The following MXI1 variants were observed in gnomAD, a reference collection of about 807,000 sequenced individuals.
The protein encoded by MXI1 is max-interacting protein 1.
Under a neutral mutation model 36.9 loss-of-function variants are expected in MXI1, and 18 were observed. The ratio of observed to expected loss-of-function variants is 0.49; its 90% CI spans 0.34 to 0.72. The LOEUF (loss-of-function observed/expected upper bound fraction) is 0.72. Ranked by LOEUF, MXI1 falls within the 30% of genes least tolerant of loss-of-function variation. The pLI is 0.01. For missense variants in MXI1, 304 were observed against 379.1 expected (o/e 0.80, Z 1.64); for synonymous variants, 160 against 146.7 (o/e 1.09, Z -0.65).
Position 110,287,277 on chromosome 10 carries a change from ATGAG to A in MXI1, c.*2292_*2295del, listed in dbSNP as rs1564730590. ...TTTTCCTTGGGGTGGTGTAGATTGT[ATGAG>A]TAAGAAGTATTAATTTTTTAAAAGA... On this transcript the variant is annotated 3_prime_UTR_variant, in exon 6 of 6. Coordinates refer to ENST00000332674, the MANE Select transcript of MXI1 (RefSeq NM_130439.3). 2 of 151,824 alleles carry A rather than the reference ATGAG, an allele frequency of 1.3e-5. No homozygotes were observed. The highest frequency in any genetic ancestry group is 1.5e-5 in the Non-Finnish European group (1 of 67,912). 9.4% of individuals were successfully genotyped at this position (151,824 alleles called of 1,614,324 possible). A position where few individuals can be genotyped will look rare whatever the true frequency, so the allele number is the denominator to read the frequency against.
chr10:110,251,465 TAGTTA>T (rs200299768), intron 3 of MXI1, among the ~76,000 whole-genome samples: 2,115 of 152,252 alleles, frequency 0.014, 43 homozygotes, highest in African/African-American at 0.049. Context: ...TACCATTATC[TAGTTA>T]AGTTACCAGT....
chr10:110,264,893 C>T (rs918182934), intron 3 of MXI1, among the ~76,000 whole-genome samples: 1 of 152,044 alleles, frequency 6.6e-6, no homozygotes, highest in African/African-American at 2.4e-5. Context: ...GATTTTTAAA[C>T]ATTAGCTTGA....
At chr10:110,239,136 T>C (rs971280512) in intron 2 of MXI1, among the ~76,000 whole-genome samples, 1 of 152,196 alleles carries the variant, frequency 6.6e-6, no homozygotes. Flanking sequence ...GTCTTGACAT[T>C]TGGGGTCAGA....
At position 110,250,844 on chromosome 10, in the gene MXI1, A is replaced by AT. The variant is rs1564716836; in HGVS notation, c.437+5987_437+5988insT. On this transcript the variant is annotated intron_variant, in intron 3 of 5. Transcript: ENST00000332674. ...AAGACTTTGTCAAAAAAAAAAAAAA[A>AT]AAAATAACAACTTTAACAGGACTCT... 3.4e-5 allele frequency among the ~76,000 whole-genome samples: 5 copies of AT among 147,440 alleles called. No homozygotes were observed. In the South Asian group the frequency reaches 6.4e-4, roughly 19 times the overall value.
intron 2 of MXI1, among the ~76,000 whole-genome samples, chr10:110,232,580 C>T (rs1855314740): frequency 1.3e-5 from 2 of 152,166 alleles, no homozygotes; most frequent in South Asian, 2.1e-4. Context: ...AAAAACCCTG[C>T]GAGGCGGGCA....
chr10:110,255,793 CT>C lies in MXI1; in HGVS notation c.437+10945del, dbSNP rs36005124. ...CAAGCCCTATGAAAGTTCCAGCTTC[CT>C]TTTTTTTTGCAGAAATTGACAGCTG... On this transcript the variant is annotated intron_variant, in intron 3 of 5. Coordinates refer to ENST00000332674, the MANE Select transcript of MXI1 (RefSeq NM_130439.3). 4.6e-3 allele frequency among the ~76,000 whole-genome samples: 700 copies of C among 150,766 alleles called. 2 individuals carry two copies. The highest frequency in any genetic ancestry group is 6.6e-3 in the Non-Finnish European group (448 of 67,524).
intron 3 of MXI1, among the ~76,000 whole-genome samples, chr10:110,249,495 C>A (rs1474223103): frequency 6.6e-6 from 1 of 150,960 alleles, no homozygotes; most frequent in Non-Finnish European, 1.5e-5. Context: ...ACAAGAATTG[C>A]TTGAACCTGG....
rs943571197 is a variant in MXI1, at chr10:110,208,009, C to T, written c.201C>T (p.Asn67=). 10 of 1,605,122 alleles carry T rather than the reference C, an allele frequency of 6.2e-6. No homozygotes were observed. The African/African-American group carries it at 9.4e-5, about 15-fold the overall frequency. ...AGAACTCGATGGAGAAGCACATCAA[C>T]ACTTTTCTGCAGAACGTGCAGATTC... is the stretch of plus-strand genomic sequence containing the variant. ...TSENSMEKHI[N]TFLQNVQILL... Residue 67 remains asparagine (N), a synonymous_variant, in exon 1 of 6, where the codon AAC becomes AAT. Transcript: ENST00000332674.
intron 3 of MXI1, among the ~76,000 whole-genome samples, chr10:110,262,384 A>T (rs979010134): frequency 3.3e-5 from 5 of 152,124 alleles, no homozygotes; most frequent in African/African-American, 1.2e-4. Flanking sequence ...GGATTTTGGT[A>T]TCCCCCATTG....
At chr10:110,229,421 A>G (rs1014105497) in intron 2 of MXI1, among the ~76,000 whole-genome samples, 1 of 152,154 alleles carries the variant, frequency 6.6e-6, no homozygotes, top group Non-Finnish European at 1.5e-5. Flanking sequence ...TTGGGTCAGA[A>G]TGGGGCTCTT....
chr10:110,272,566 G>A (rs1856889135), intron 3 of MXI1, among the ~76,000 whole-genome samples: 2 of 151,980 alleles, frequency 1.3e-5, no homozygotes, highest in African/African-American at 4.8e-5. Flanking sequence ...ATATTTTATT[G>A]AAAGAAAGTG....
intron 1 of MXI1, chr10:110,227,210 A>C: frequency 6.3e-5 from 11 of 175,236 alleles, no homozygotes; most frequent in Non-Finnish European, 6.2e-5. Context: ...CGCGTGTGTG[A>C]GGGGTGCGCG....
chr10:110,214,079 A>G (rs1854570498), intron 1 of MXI1, among the ~76,000 whole-genome samples: 1 of 152,220 alleles, frequency 6.6e-6, no homozygotes, highest in Admixed American at 6.5e-5. Flanking sequence ...ATATATAGCT[A>G]GTAAGTCGCG....
At chr10:110,247,215 C>A (rs7073003) in intron 3 of MXI1, among the ~76,000 whole-genome samples, 36,226 of 152,014 alleles carry the variant, frequency 0.24, 5,325 homozygotes, top group African/African-American at 0.42. Flanking sequence ...TATCCTTTGC[C>A]CACTTTTTGA....
At chr10:110,242,851 TTATGGC>T in intron 2 of MXI1, among the ~76,000 whole-genome samples, 1 of 149,688 alleles carries the variant, frequency 6.7e-6, no homozygotes, top group Non-Finnish European at 1.5e-5. Context: ...TAGAATAAGT[TTATGGC>T]AAATAGTCTG....
intron 4 of MXI1, 55 bp from the exon 5 acceptor site, chr10:110,279,859 T>G: frequency 7.3e-7 from 1 of 1,361,540 alleles, no homozygotes; most frequent in Non-Finnish European, 9.9e-7. Flanking sequence ...GAGGAATCAG[T>G]TTTATTGTTT....
chr10:110,283,548 A>G lies in MXI1; in HGVS notation c.725-1276A>G, dbSNP rs1309565644. Among the ~76,000 whole-genome samples, 4 of 133,236 alleles carry G rather than the reference A, an allele frequency of 3.0e-5. No individual in the cohort carries two copies. The East Asian group carries it at 1.2e-3, about 41-fold the overall frequency. The allele number at this position is 133,236 out of a possible 152,430, so 87.4% of individuals were successfully genotyped here. On this transcript the variant is annotated intron_variant, in intron 5 of 5. Coordinates refer to ENST00000332674, the MANE Select transcript of MXI1 (RefSeq NM_130439.3). ...CAAAGTGCTTGGCCGCACCCGGCTG[A>G]ATCCACTTTTTTTTTTTTTTTAAAG...
At chr10:110,239,804 A>C (rs1181914032) in intron 2 of MXI1, among the ~76,000 whole-genome samples, 3 of 152,122 alleles carry the variant, frequency 2.0e-5, no homozygotes, top group African/African-American at 7.2e-5. Flanking sequence ...ATGTACATAC[A>C]AAAAAAGCAT....
intron 3 of MXI1, among the ~76,000 whole-genome samples, chr10:110,270,030 A>T (rs551936442): frequency 6.6e-6 from 1 of 152,350 alleles, no homozygotes; most frequent in African/African-American, 2.4e-5. Flanking sequence ...TCTCCCATCG[A>T]TGGCTAAGTT....
Sources: allele counts gnomAD v4.1 joint callset (sites outside exome capture counted in the v4.1 genomes callset), GRCh38; gene constraint gnomAD v4.1.1; transcripts MANE v1.5; gene names NCBI Gene and HGNC (gene_info 2026-07-23, HGNC 2026-07-21).